The following ARHGEF10L variants were observed in gnomAD, a reference collection of about 807,000 sequenced individuals.
ARHGEF10L encodes rho guanine nucleotide exchange factor 10-like protein.
ARHGEF10L carries 69 observed loss-of-function variants against 141.2 expected under a neutral mutation model. That is an observed-to-expected ratio of 0.49 (90% CI 0.40 to 0.60). ARHGEF10L has a LOEUF of 0.60. Ranked by LOEUF, ARHGEF10L falls within the 20% of genes least tolerant of loss-of-function variation. The pLI, the probability that ARHGEF10L is intolerant of heterozygous loss-of-function variation, is 0.00. For synonymous variants in ARHGEF10L, 711 were observed against 718.5 expected (o/e 0.99, Z 0.17); for missense variants, 1,482 against 1,734.3 (o/e 0.85, Z 2.58).
intron 25 of ARHGEF10L, among the ~76,000 whole-genome samples, chr1:17,662,788 G>A (rs1483559165): frequency 6.6e-6 from 1 of 152,124 alleles, no homozygotes; most frequent in African/African-American, 2.4e-5. Flanking sequence ...TTCCGGCTTT[G>A]GAGACAGCTG....
the ARHGEF10L span, among the ~76,000 whole-genome samples, chr1:17,513,670 G>A: frequency 2.6e-5 from 4 of 152,128 alleles, no homozygotes; most frequent in Non-Finnish European, 4.4e-5. Context: ...GATGATTCTC[G>A]CATGGGTCAG....
At chr1:17,616,252 GTC>G in intron 9 of ARHGEF10L, 50 bp downstream of exon 9, 2 of 1,219,522 alleles carry the variant, frequency 1.6e-6, no homozygotes, top group Non-Finnish European at 1.2e-6. Flanking sequence ...CTGACTGGGG[GTC>G]GGGGAGGGTG....
In ARHGEF10L at chr1:17,603,496, C is replaced by G. The variant is rs747625150; in HGVS notation, c.350-12C>G. On this transcript the variant is annotated splice_polypyrimidine_tract_variant and intron_variant, in intron 5 of 28. Transcript: ENST00000361221. This position sits in a 1 kb window ranked among gnomAD's most constrained non-coding sequence, Gnocchi z 4.8. Reference sequence around the variant, plus strand: ...CCCACGGTGGTGCTCTCTCTCCCCACTTCCCTCCCAGTTGACCGGTTCACT... The same window carrying G: ...CCCACGGTGGTGCTCTCTCTCCCCAGTTCCCTCCCAGTTGACCGGTTCACT... 8 of 1,611,708 alleles carry G rather than the reference C, an allele frequency of 5.0e-6. No homozygotes were observed. Among genetic ancestry groups the G allele is most frequent in the Non-Finnish European group, 6.8e-6 (8 of 1,178,744 alleles).
At chr1:17,617,331 A>G (rs1451580550) in intron 9 of ARHGEF10L, among the ~76,000 whole-genome samples, 1 of 152,220 alleles carries the variant, frequency 6.6e-6, no homozygotes, top group Non-Finnish European at 1.5e-5. Flanking sequence ...AGCTGTGAAT[A>G]TGAGTCCTGC....
chr1:17,647,257 T>C (rs2061659668), intron 21 of ARHGEF10L, among the ~76,000 whole-genome samples: 1 of 152,202 alleles, frequency 6.6e-6, no homozygotes, highest in Non-Finnish European at 1.5e-5. Context: ...GGCTGTGGCC[T>C]GGCCACGTTA....
At chr1:17,595,832 G>A (rs912496029) in intron 4 of ARHGEF10L, among the ~76,000 whole-genome samples, 2 of 152,188 alleles carry the variant, frequency 1.3e-5, no homozygotes, top group Non-Finnish European at 2.9e-5. Flanking sequence ...CCAGAACCCT[G>A]CGAGGGAGGT....
At position 17,573,828 on chromosome 1, in the gene ARHGEF10L, C is replaced by G. The variant is rs987174098; in HGVS notation, c.-43-6725C>G. On this transcript the variant is annotated intron_variant, in intron 1 of 28. Coordinates refer to ENST00000361221, the MANE Select transcript of ARHGEF10L (RefSeq NM_018125.4). This position sits in a 1 kb window ranked among gnomAD's most constrained non-coding sequence, Gnocchi z 4.8. The stretch of plus-strand genomic sequence containing the variant: ...CCTCACCAGGGGCTCCCTAGGAGGT[C>G]AGTGCGGGAGGGTGGGTGCCACCGA... 3.2e-4 allele frequency among the ~76,000 whole-genome samples: 48 copies of G among 151,546 alleles called. 1 individual carries two copies. Among genetic ancestry groups the G allele is most frequent in the African/African-American group, 1.1e-3 (47 of 41,402 alleles).
At chr1:17,668,675 G>T (rs2063130629) in intron 26 of ARHGEF10L, among the ~76,000 whole-genome samples, 1 of 152,226 alleles carries the variant, frequency 6.6e-6, no homozygotes. Flanking sequence ...TGCAGCAGGG[G>T]CCAGAGGGAG....
chr1:17,695,935 A>C (rs564441323), intron 28 of ARHGEF10L, among the ~76,000 whole-genome samples: 2 of 152,006 alleles, frequency 1.3e-5, no homozygotes, highest in Non-Finnish European at 2.9e-5. Flanking sequence ...GGTGGCTCAC[A>C]CCTGTAATCC....
chr1:17,620,722 TG>T (rs2060062038), intron 10 of ARHGEF10L, among the ~76,000 whole-genome samples: 1 of 151,916 alleles, frequency 6.6e-6, no homozygotes, highest in African/African-American at 2.4e-5. Context: ...AGGACAGCTG[TG>T]GGGGTAGAGT....
intron 1 of ARHGEF10L, among the ~76,000 whole-genome samples, chr1:17,560,588 G>A (rs1460294966): frequency 1.3e-5 from 2 of 152,072 alleles, no homozygotes; most frequent in East Asian, 3.9e-4. Flanking sequence ...TTTTTGAGAC[G>A]GAGTTTCACT....
chr1:17,560,619 A>G (rs1479883328), intron 1 of ARHGEF10L, among the ~76,000 whole-genome samples: 2 of 152,224 alleles, frequency 1.3e-5, no homozygotes, highest in Admixed American at 1.3e-4. Flanking sequence ...AGGCTGGAGT[A>G]CAATGGCGCA....
intron 15 of ARHGEF10L, among the ~76,000 whole-genome samples, chr1:17,629,637 G>T (rs965524582): frequency 6.6e-6 from 1 of 152,116 alleles, no homozygotes; most frequent in South Asian, 2.1e-4. Flanking sequence ...CCCCATCCAC[G>T]TGGCTCAGGT....
rs143971077 is a variant in ARHGEF10L at position 17,610,278 on chromosome 1, G to A, written c.609+2301G>A. The stretch of plus-strand genomic sequence containing the variant: ...AGCTCTCTGCCCCCAGGGGGTATAA[G>A]GGGCCCACAGAGCACTCCAAGAAAT... On this transcript the variant is annotated intron_variant, in intron 7 of 28. Transcript: ENST00000361221. Among the ~76,000 whole-genome samples, 288 of 152,322 alleles carry A rather than the reference G, an allele frequency of 1.9e-3. 2 individuals carry two copies. Among genetic ancestry groups the A allele is most frequent in the Middle Eastern group, 0.01 (3 of 294 alleles).
intron 2 of ARHGEF10L, among the ~76,000 whole-genome samples, chr1:17,583,414 G>GTGA: frequency 6.6e-6 from 1 of 152,174 alleles, no homozygotes; most frequent in Non-Finnish European, 1.5e-5. Flanking sequence ...TGTAACGATG[G>GTGA]TGATAATAAT....
chr1:17,664,354 G>A, intron 25 of ARHGEF10L, 93 bp from the exon 26 acceptor site: 1 of 1,398,846 alleles, frequency 7.1e-7, no homozygotes, highest in South Asian at 1.4e-5. Flanking sequence ...AGGGTGTGGG[G>A]GGCCCTGCTG....
chr1:17,553,003 C>A (rs982509659), intron 1 of ARHGEF10L, among the ~76,000 whole-genome samples: 1 of 152,196 alleles, frequency 6.6e-6, no homozygotes, highest in East Asian at 1.9e-4. Context: ...GACTTTGGGA[C>A]ACCCCAGTCC....
chr1:17,547,344 G>T (rs766270603), intron 1 of ARHGEF10L, among the ~76,000 whole-genome samples: 3 of 152,200 alleles, frequency 2.0e-5, no homozygotes, highest in Non-Finnish European at 4.4e-5. Flanking sequence ...ATGTTGGCAT[G>T]TTGGGCCCAA....
chr1:17,673,870 G>A lies in ARHGEF10L; in HGVS notation c.3009+9275G>A, dbSNP rs2063480218. 6.6e-6 allele frequency among the ~76,000 whole-genome samples: 1 copy of A among 152,172 alleles called. No homozygotes were observed. Among genetic ancestry groups the A allele is most frequent in the Admixed American group, 6.5e-5 (1 of 15,290 alleles). On this transcript the variant is annotated intron_variant, in intron 26 of 28. Transcript: ENST00000361221. This position sits in a 1 kb window ranked among gnomAD's most constrained non-coding sequence, Gnocchi z 4.1. ...TGTGCCTGGTGGGAGGAAGCACCAC[G>A]TGTCAGTTGTTGTGTCATTGTGGTC...
Sources: gnomAD v4.1 joint callset for allele counts (sites outside exome capture counted in the v4.1 genomes callset) on GRCh38, gnomAD v4.1.1 for gene constraint, Gnocchi (gnomAD v3.1) non-coding constraint, MANE v1.5 for transcripts, NCBI Gene and HGNC (gene_info 2026-07-23, HGNC 2026-07-21) for gene names.